ADD3: variants seen among roughly 807,000 people sequenced by gnomAD.
ADD3 encodes the protein adducin 3, also known as gamma-adducin.
A neutral mutation model predicts 80.2 loss-of-function variants in ADD3; 25 were observed. The observed-to-expected ratio is 0.31, with a 90% CI of 0.23 to 0.44. The LOEUF (loss-of-function observed/expected upper bound fraction) is 0.44, where lower values mean the gene tolerates loss of function less well. Among genes scored for constraint, ADD3 ranks in the 20% least tolerant of loss-of-function variants. The pLI, the probability that ADD3 is intolerant of heterozygous loss-of-function variation, is 1.00. For missense variants in ADD3, 829 were observed against 847.5 expected (o/e 0.98, Z 0.27); for synonymous variants, 284 against 289.6 (o/e 0.98, Z 0.20).
intron 1 of ADD3, among the ~76,000 whole-genome samples, chr10:110,083,716 A>G (rs966617589): frequency 1.3e-5 from 2 of 152,030 alleles, no homozygotes; most frequent in African/African-American, 4.8e-5. Context: ...GACTTCCTGG[A>G]TGCTTTTTTA....
At chr10:110,123,721 G>A (rs1247861555) in intron 9 of ADD3, 6 of 290,566 alleles carry the variant, frequency 2.1e-5, no homozygotes, top group African/African-American at 1.3e-4. Flanking sequence ...CCCCAGAACA[G>A]TTTTATAGAT....
intron 1 of ADD3, among the ~76,000 whole-genome samples, chr10:110,053,491 G>A (rs574696860): frequency 6.6e-6 from 1 of 151,938 alleles, no homozygotes; most frequent in East Asian, 1.9e-4. Context: ...TACATATGCT[G>A]TAATACCCAA....
chr10:110,130,546 A>C, intron 13 of ADD3, 60 bp downstream of exon 13: 35 of 1,563,946 alleles, frequency 2.2e-5, no homozygotes, highest in Non-Finnish European at 2.9e-5. Context: ...AAAGTACCTC[A>C]CGTTGGATGA....
At chr10:110,097,967 G>C (rs1331753873) in intron 1 of ADD3, among the ~76,000 whole-genome samples, 1 of 152,062 alleles carries the variant, frequency 6.6e-6, no homozygotes, top group South Asian at 2.1e-4. Flanking sequence ...AATAGAGACA[G>C]AGTTTCACCG....
At chr10:110,112,943 A>G in intron 3 of ADD3, 28 bp downstream of exon 3, 3 of 1,603,368 alleles carry the variant, frequency 1.9e-6, no homozygotes, top group Non-Finnish European at 2.6e-6. Flanking sequence ...AGTTTTAAAC[A>G]TTATAATTTT....
At chr10:110,128,659 T>C (rs1471820617) in intron 12 of ADD3, among the ~76,000 whole-genome samples, 1 of 152,178 alleles carries the variant, frequency 6.6e-6, no homozygotes, top group East Asian at 1.9e-4. Context: ...CCTCGTGATC[T>C]GCCCGCCTTG....
At chr10:110,121,515 T>A (rs557150294) in intron 8 of ADD3, among the ~76,000 whole-genome samples, 1 of 151,934 alleles carries the variant, frequency 6.6e-6, no homozygotes, top group South Asian at 2.1e-4. Context: ...AAGCAAATTC[T>A]CATGAAGCAA....
At chr10:110,012,971 T>A (rs1480219309) in intron 1 of ADD3, among the ~76,000 whole-genome samples, 3 of 152,186 alleles carry the variant, frequency 2.0e-5, no homozygotes, top group African/African-American at 7.2e-5. Flanking sequence ...CAGCACCATA[T>A]GTTATGTTTA....
intron 1 of ADD3, among the ~76,000 whole-genome samples, chr10:110,008,795 A>G (rs1254409264): frequency 1.3e-5 from 2 of 152,116 alleles, no homozygotes; most frequent in Non-Finnish European, 1.5e-5. Flanking sequence ...TTTTTTTGTT[A>G]CAAGTTGAAA....
In ADD3 at chr10:110,046,270, T is replaced by G. The variant is rs550043845; in HGVS notation, c.-30+37971T>G. On this transcript the variant is annotated intron_variant, in intron 1 of 14. Transcript: ENST00000356080. ...GTATTTTCTTATGATTTTCTTAATA[T>G]TTTCTTAGTATTTTCTATAGCTTGC... 1.4e-4 allele frequency among the ~76,000 whole-genome samples: 21 copies of G among 152,282 alleles called. No homozygotes were observed. In the South Asian group the frequency reaches 2.7e-3, roughly 20 times the overall value.
At chr10:110,061,975 C>T (rs1170756086) in intron 1 of ADD3, among the ~76,000 whole-genome samples, 2 of 151,820 alleles carry the variant, frequency 1.3e-5, no homozygotes, top group African/African-American at 2.4e-5. Flanking sequence ...ACCTATAATC[C>T]CAACACTTTG....
At chr10:110,044,354 T>C (rs1420824805) in intron 1 of ADD3, among the ~76,000 whole-genome samples, 3 of 152,218 alleles carry the variant, frequency 2.0e-5, no homozygotes, top group Non-Finnish European at 4.4e-5. Flanking sequence ...GACCATTGGC[T>C]CCTTGACAGT....
chr10:110,127,062 G>A (rs1262542839), intron 12 of ADD3, among the ~76,000 whole-genome samples: 1 of 152,194 alleles, frequency 6.6e-6, no homozygotes, highest in African/African-American at 2.4e-5. Context: ...GAAAGATGGG[G>A]ATTTAGCCTG....
chr10:110,116,698 T>C (rs2134093982), intron 4 of ADD3, among the ~76,000 whole-genome samples: 1 of 152,348 alleles, frequency 6.6e-6, no homozygotes, highest in African/African-American at 2.4e-5. Flanking sequence ...CTCTCCATGA[T>C]AATTATGTCT....
At chr10:110,079,461 A>AGAGAGTGTGTGT (rs1443672023) in intron 1 of ADD3, among the ~76,000 whole-genome samples, 1 of 97,434 alleles carries the variant, frequency 1.0e-5, no homozygotes, top group African/African-American at 4.6e-5. Flanking sequence ...AGAGAGAGAG[A>AGAGAGTGTGTGT]GTGTGTGTGT....
intron 1 of ADD3, among the ~76,000 whole-genome samples, chr10:110,063,525 G>A (rs1159024810): frequency 6.6e-6 from 1 of 151,558 alleles, no homozygotes; most frequent in Non-Finnish European, 1.5e-5. Flanking sequence ...TTGTGAGAAA[G>A]AGGATTTAAC....
intron 1 of ADD3, among the ~76,000 whole-genome samples, chr10:110,043,732 G>A (rs1298001108): frequency 6.6e-6 from 1 of 152,068 alleles, no homozygotes; most frequent in East Asian, 1.9e-4. Flanking sequence ...AACACTATGG[G>A]GGATACAATG....
chr10:110,096,309 CCAGTCTCCAGTAG>C (rs112657940), intron 1 of ADD3, among the ~76,000 whole-genome samples: 19,987 of 152,042 alleles, frequency 0.13, 4,224 homozygotes, highest in African/African-American at 0.45. Flanking sequence ...AACCCTCTCT[CCAGTCTCCAGTAG>C]CAGTCTCCTC....
chr10:110,124,915 A>G (rs1026870238), intron 10 of ADD3, among the ~76,000 whole-genome samples: 1 of 152,200 alleles, frequency 6.6e-6, no homozygotes, highest in Non-Finnish European at 1.5e-5. Context: ...TTAAAACATT[A>G]TGAGAATTTT....
Sources: gnomAD v4.1 joint callset for allele counts (sites outside exome capture counted in the v4.1 genomes callset) on GRCh38, gnomAD v4.1.1 for gene constraint, MANE v1.5 for transcripts, NCBI Gene and HGNC (gene_info 2026-07-23, HGNC 2026-07-21) for gene names.